Variants in SYN1 observed in about 807,000 individuals in gnomAD.
SYN1 encodes synapsin I.
In SYN1, 8 loss-of-function variants were observed where a neutral mutation model predicts 44.6. The observed-to-expected ratio is 0.18, with a 90% CI of 0.11 to 0.32. SYN1 has a LOEUF of 0.32. Ranked by LOEUF, SYN1 falls within the 10% of genes least tolerant of loss-of-function variation. The probability of loss-of-function intolerance (pLI) is 1.00; values close to 1 mark genes in which losing one functional copy is unlikely to be tolerated. For missense variants in SYN1, 451 were observed against 639.4 expected (o/e 0.71, Z 3.18); for synonymous variants, 275 against 280.1 (o/e 0.98, Z 0.18).
intron 5 of SYN1, among the ~76,000 whole-genome samples, chrX:47,577,749 G>A (rs777527428): frequency 5.5e-5 from 6 of 110,016 alleles, no homozygotes; most frequent in Non-Finnish European, 1.1e-4. Flanking sequence ...CAGACGTCCC[G>A]CCCCTGCTTT....
chrX:47,588,610 C>A (rs1385847968), intron 5 of SYN1, among the ~76,000 whole-genome samples: 1 of 112,505 alleles, frequency 8.9e-6, no homozygotes, highest in East Asian at 2.8e-4. Context: ...GCAGACGAGG[C>A]TACCTCCACC....
intron 12 of SYN1, 40 bp from the exon 13 acceptor site, chrX:47,573,039 AGAGGAAGGG>A (rs746151162): frequency 1.2e-5 from 15 of 1,201,230 alleles, no homozygotes; most frequent in East Asian, 6.0e-5. Context: ...GGAAGGGGGA[AGAGGAAGGG>A]GAGGAAGGGG....
intron 1 of SYN1, among the ~76,000 whole-genome samples, 174 bp downstream of exon 1, chrX:47,619,178 G>A (rs765280244): frequency 5.9e-4 from 66 of 111,518 alleles, no homozygotes; most frequent in African/African-American, 2.0e-3. Flanking sequence ...AGGGGCGGAG[G>A]GGGGCGACAA....
intron 5 of SYN1, chrX:47,586,580 G>A (rs2057827917): frequency 1.7e-6 from 2 of 1,211,923 alleles, no homozygotes; most frequent in Non-Finnish European, 2.2e-6. Context: ...GCTTGTGGAC[G>A]GACCAGCTCC....
intron 5 of SYN1, among the ~76,000 whole-genome samples, chrX:47,592,168 G>A (rs185224757): frequency 2.7e-5 from 3 of 110,606 alleles, no homozygotes; most frequent in East Asian, 2.8e-4. Flanking sequence ...TAGCAAGACC[G>A]TGCCTCTACA....
At position 47,572,904 on chromosome X, in the gene SYN1, C is replaced by T; in HGVS notation, c.2078G>A (p.Arg693His). ...GCTGGCGAAAGACTTCCTCAGGCTG[C>T]GGATGGTCTCAGCTTTCACCTCGTC... Reference protein sequence around the residue: ...SQDEVKAETIRSLRKSFASLF... With the variant: ...SQDEVKAETIHSLRKSFASLF... Residue 693 changes from arginine (R) to histidine (H), a missense_variant, in exon 13 of 13, where the codon CGC (arginine) becomes CAC (histidine). This residue lies in a region of SYN1 where 127 missense variants were observed against 154.8 expected (regional missense o/e 0.82). Transcript: ENST00000295987. 1.7e-6 allele frequency: 2 copies of T among 1,211,611 alleles called. No homozygotes were observed. Among genetic ancestry groups the T allele is most frequent in the Non-Finnish European group, 2.2e-6 (2 of 895,459 alleles).
At chrX:47,579,557 C>G (rs141712319) in intron 5 of SYN1, among the ~76,000 whole-genome samples, 230 of 110,493 alleles carry the variant, frequency 2.1e-3, no homozygotes, top group African/African-American at 7.2e-3. Flanking sequence ...CAGATGGTCA[C>G]ACACCCCTCC....
intron 5 of SYN1, chrX:47,582,174 C>T (rs2057800712): frequency 8.0e-6 from 1 of 125,057 alleles, no homozygotes; most frequent in Non-Finnish European, 1.7e-5. Context: ...CTAAGCTCTC[C>T]GCTGAGGCGG....
intron 5 of SYN1, among the ~76,000 whole-genome samples, chrX:47,602,556 C>T (rs754725715): frequency 2.7e-5 from 3 of 110,414 alleles, no homozygotes; most frequent in Non-Finnish European, 3.8e-5. Flanking sequence ...TCAGGAGATT[C>T]GCTTGAACCC....
At chrX:47,590,820 C>T (rs758946306) in intron 5 of SYN1, among the ~76,000 whole-genome samples, 1 of 112,352 alleles carries the variant, frequency 8.9e-6, no homozygotes, top group South Asian at 3.7e-4. Context: ...TTCCCTGCTC[C>T]TTGTCCCCGT....
intron 1 of SYN1, among the ~76,000 whole-genome samples, chrX:47,613,088 G>C (rs750735619): frequency 9.9e-6 from 1 of 101,373 alleles, no homozygotes; most frequent in Non-Finnish European, 2.0e-5. Flanking sequence ...AGCCAAGATC[G>C]TGCCACAGCA....
At chrX:47,614,214 G>C (rs2057924874) in intron 1 of SYN1, among the ~76,000 whole-genome samples, 1 of 111,963 alleles carries the variant, frequency 8.9e-6, no homozygotes, top group African/African-American at 3.2e-5. Context: ...GGTACACAGT[G>C]GAGGCAGGGA....
Position 47,607,164 on chromosome X carries a change from C to G in SYN1, c.412G>C (p.Glu138Gln). 8.3e-7 allele frequency: 1 copy of G among 1,211,418 alleles called. No individual in the cohort carries two copies. Among genetic ancestry groups the G allele is most frequent in the Non-Finnish European group, 1.1e-6 (1 of 895,252 alleles). ...KYFKGKKIHG[E>Q]IDIKVEQAEF... is the part of the protein sequence containing the mutation. ...ACCTGTTCTACTTTAATGTCAATTT[C>G]TCCATGGATCTTTTTCCCTTTGAAG... Residue 138 changes from glutamate (E) to glutamine (Q), a missense_variant, in exon 2 of 13, where the codon GAA (glutamate) becomes CAA (glutamine). Physicochemically the swap from Glu to Gln is conservative, Grantham distance 29. Transcript: ENST00000295987.
chrX:47,586,510 C>T (rs1451152414), intron 5 of SYN1: 1 of 1,207,962 alleles, frequency 8.3e-7, no homozygotes, highest in Non-Finnish European at 1.1e-6. Context: ...TGTTTCCCTC[C>T]TCCCTTCCAG....
At position 47,595,419 on chromosome X, in the gene SYN1, G is replaced by A. The variant is rs760750534; in HGVS notation, c.774+9559C>T. 2.4e-4 allele frequency among the ~76,000 whole-genome samples: 27 copies of A among 111,386 alleles called. No individual in the cohort carries two copies. The East Asian group carries it at 4.8e-3, about 20-fold the overall frequency. Reference sequence around the variant, plus strand: ...CATTAGAAGTAGGGCTTAGTCCTGTGGGACTACACCCTTAACCTGTGTGAT... The same window carrying A: ...CATTAGAAGTAGGGCTTAGTCCTGTAGGACTACACCCTTAACCTGTGTGAT... On this transcript the variant is annotated intron_variant, in intron 5 of 12. Coordinates refer to ENST00000295987, the MANE Select transcript of SYN1 (RefSeq NM_006950.3).
chrX:47,605,532 A>G (rs1386976931), intron 3 of SYN1, among the ~76,000 whole-genome samples, 153 bp from the exon 4 acceptor site: 1 of 110,931 alleles, frequency 9.0e-6, no homozygotes, highest in Non-Finnish European at 1.9e-5. Context: ...CCCTCTGCCT[A>G]GTGCACCCTT....
chrX:47,599,968 CA>C (rs1465509319), intron 5 of SYN1, among the ~76,000 whole-genome samples: 4 of 112,178 alleles, frequency 3.6e-5, no homozygotes, highest in Non-Finnish European at 7.5e-5. Context: ...GAATTTAAAA[CA>C]GCAATTGTTA....
intron 9 of SYN1, 110 bp from the exon 10 acceptor site, chrX:47,575,384 T>A: frequency 1.1e-6 from 1 of 912,181 alleles, no homozygotes. Context: ...AGCCCCAGTG[T>A]CTGAGGCACT....
intron 5 of SYN1, chrX:47,585,187 C>G (rs756421884): frequency 6.8e-6 from 8 of 1,171,898 alleles, no homozygotes; most frequent in Non-Finnish European, 9.1e-6. Flanking sequence ...AGAGACACTT[C>G]CCCTCATCCA....
Sources: gnomAD v4.1 joint callset for allele counts (sites outside exome capture counted in the v4.1 genomes callset) on GRCh38, gnomAD v4.1.1 for gene constraint, gnomAD v4.1.1 regional missense constraint, MANE v1.5 for transcripts, NCBI Gene and HGNC (gene_info 2026-07-23, HGNC 2026-07-21) for gene names.